The following CENPF variants were observed in gnomAD, a reference collection of about 807,000 sequenced individuals.
CENPF encodes the protein AH antigen.
A neutral mutation model predicts 307.3 loss-of-function variants in CENPF; 214 were observed. That is an observed-to-expected ratio of 0.70 (90% CI 0.62 to 0.78). The LOEUF (loss-of-function observed/expected upper bound fraction) is 0.78, where lower values mean the gene tolerates loss of function less well. Ranked by LOEUF, CENPF falls within the 30% of genes least tolerant of loss-of-function variation. The pLI is 0.00. For missense variants in CENPF, 3,401 were observed against 3,483.9 expected (o/e 0.98, Z 0.60); for synonymous variants, 1,259 against 1,270.6 (o/e 0.99, Z 0.19).
chr1:214,641,961 C>A lies in CENPF; in HGVS notation c.3623C>A (p.Ala1208Glu). 6.3e-7 allele frequency: 1 copy of A among 1,599,702 alleles called. No homozygotes were observed. Residue 1208 changes from alanine to glutamate, a missense_variant, in exon 12 of 20, where the codon GCG becomes GAG. Coordinates refer to ENST00000366955, the MANE Select transcript of CENPF (RefSeq NM_016343.4). ...VKEISLDSYNAQLVQLEAMLR... is the reference protein window; with the variant it reads ...VKEISLDSYNEQLVQLEAMLR... ...GAAATTTCTCTAGATAGTTATAATGCGCAGTTGGTGCAATTAGAAGCTATG... is the reference window on the plus strand; with the variant it reads ...GAAATTTCTCTAGATAGTTATAATGAGCAGTTGGTGCAATTAGAAGCTATG...
chr1:214,663,710 CCT>C lies in CENPF; in HGVS notation c.9262_9263del (p.Leu3088GlufsTer21), dbSNP rs1408918414. ...GTCCGACTGACAGCCCCAGAGAGGG[CCT>C]GAGGGTCAAGCGAGGCCGACTTGTC... is the stretch of plus-strand genomic sequence containing the variant. ...RSPTDSPREGLRVKRGRLVPS... is the reference protein window; with the variant it reads ...RSPTDSPREGXRVKRGRLVPS... On this transcript the variant is annotated frameshift_variant, in exon 20 of 20. Transcript: ENST00000366955. LOFTEE classifies it low-confidence loss of function (END_TRUNC). The C allele has an allele frequency of 2.5e-6, 4 of 1,613,922 alleles. No individual in the cohort carries two copies. The highest frequency in any genetic ancestry group is 2.2e-5 in the East Asian group (1 of 44,850).
chr1:214,624,841 T>A (rs964494681), intron 7 of CENPF, among the ~76,000 whole-genome samples: 9 of 152,228 alleles, frequency 5.9e-5, no homozygotes, highest in Admixed American at 2.0e-4. Context: ...ACTTGCTGAT[T>A]TTCTGTTTAG....
At chr1:214,657,945 T>C (rs76163634) in intron 18 of CENPF, among the ~76,000 whole-genome samples, 4 of 152,358 alleles carry the variant, frequency 2.6e-5, no homozygotes, top group Non-Finnish European at 4.4e-5. Flanking sequence ...GAAATTTTCA[T>C]AGCAACTTGA....
chr1:214,645,445 G>A lies in CENPF; in HGVS notation c.5875G>A (p.Glu1959Lys). ...AGAAGAACTCTCAGTGGTCACAAGT[G>A]AGAGAAACCAGCTTCGTGGAGAATT... ...LEEELSVVTS[E>K]RNQLRGELDT... is the part of the protein sequence containing the mutation. The change falls in exon 13 of 20, where the codon GAG becomes AAG. Residue 1959 changes from glutamate (E) to lysine (K), a missense_variant. Glu to Lys is a moderately conservative substitution (Grantham distance 56). Transcript: ENST00000366955. 1 of 1,613,920 alleles carries A rather than the reference G, an allele frequency of 6.2e-7. No individual in the cohort carries two copies. The highest frequency in any genetic ancestry group is 8.5e-7 in the Non-Finnish European group (1 of 1,179,960).
At chr1:214,636,345 C>T (rs1463956381) in intron 10 of CENPF, among the ~76,000 whole-genome samples, 6 of 152,172 alleles carry the variant, frequency 3.9e-5, no homozygotes, top group South Asian at 2.1e-4. Flanking sequence ...CAAAGTTTAA[C>T]ACTGACTAGT....
rs1658127214 is a variant in CENPF at position 214,641,882 on chromosome 1, G to C, written c.3544G>C (p.Glu1182Gln). The change falls in exon 12 of 20, where the codon GAG becomes CAG. Residue 1182 changes from glutamate to glutamine, a missense_variant. Coordinates refer to ENST00000366955, the MANE Select transcript of CENPF (RefSeq NM_016343.4). ...AATTAGGAACTCTGTGAAAGAAAGA[G>C]AGAGTGAGAGAAATCAATGTAATTT... ...EPIRNSVKER[E>Q]SERNQCNFKP... 6.3e-7 allele frequency: 1 copy of C among 1,595,934 alleles called. No individual in the cohort carries two copies. The highest frequency in any genetic ancestry group is 1.4e-5 in the African/African-American group (1 of 73,672).
Position 214,642,890 on chromosome 1 carries a change from G to A in CENPF, c.4552G>A (p.Ala1518Thr). The A allele has an allele frequency of 6.2e-7, 1 of 1,614,096 alleles. No homozygotes were observed. Among genetic ancestry groups the A allele is most frequent in the Non-Finnish European group, 8.5e-7 (1 of 1,180,022 alleles). ...GAGTAATTTAGAAGGGGCTGTTTCA[G>A]CAAACCAGTGCAGTGTAGATGAAGT... Reference protein sequence around the residue: ...LLSNLEGAVSANQCSVDEVFC... With the variant: ...LLSNLEGAVSTNQCSVDEVFC... Residue 1518 changes from alanine (A) to threonine (T), a missense_variant, in exon 12 of 20, where the codon GCA becomes ACA. Ala to Thr is a moderately conservative substitution (Grantham distance 58). Coordinates refer to ENST00000366955, the MANE Select transcript of CENPF (RefSeq NM_016343.4).
Position 214,622,040 on chromosome 1 carries a change from A to G in CENPF, c.866-39A>G, listed in dbSNP as rs75618617. ...AAGTTATGAACATTTTGGGAAAGAT[A>G]TATATGAATTGGAGTGTGATTTTTG... is the stretch of plus-strand genomic sequence containing the variant. On this transcript the variant is annotated intron_variant, in intron 6 of 19. Coordinates refer to ENST00000366955, the MANE Select transcript of CENPF (RefSeq NM_016343.4). The G allele has an allele frequency of 3.5e-4, 515 of 1,471,190 alleles. 1 individual carries two copies. In the African/African-American group the frequency reaches 5.6e-3, roughly 16 times the overall value. 91.1% of individuals were successfully genotyped at this position (1,471,190 alleles called of 1,614,324 possible).
chr1:214,656,093 C>T (rs374669440), intron 17 of CENPF, among the ~76,000 whole-genome samples: 2 of 152,240 alleles, frequency 1.3e-5, no homozygotes, highest in African/African-American at 4.8e-5. Flanking sequence ...ATCCTCAGTC[C>T]ATTCGTATGG....
intron 14 of CENPF, 53 bp from the exon 15 acceptor site, chr1:214,651,657 A>T: frequency 7.4e-7 from 1 of 1,344,260 alleles, no homozygotes; most frequent in Non-Finnish European, 1.0e-6. Flanking sequence ...AAATATTTCC[A>T]GGTTCTTAAT....
In CENPF at chr1:214,648,722, T is replaced by C. The variant is rs764754683; in HGVS notation, c.7878T>C (p.His2626=). 3 of 1,613,890 alleles carry C rather than the reference T, an allele frequency of 1.9e-6. No individual in the cohort carries two copies. The East Asian group carries it at 6.7e-5, about 36-fold the overall frequency. ...AKETELQREM[H]EMAQKTAELQ... ...AAACTGAGCTGCAGAGGGAAATGCA[T>C]GAGATGGCACAGAAAACAGCAGAGC... The change falls in exon 14 of 20, where the codon CAT becomes CAC. Residue 2626 remains histidine, a synonymous_variant. Coordinates refer to ENST00000366955, the MANE Select transcript of CENPF (RefSeq NM_016343.4).
intron 15 of CENPF, 85 bp from the exon 16 acceptor site, chr1:214,652,743 G>GT: frequency 8.1e-7 from 1 of 1,241,208 alleles, no homozygotes; most frequent in Non-Finnish European, 1.1e-6. Context: ...GCGCCCAGCT[G>GT]TTTTTTGTTT....
chr1:214,608,698 G>C, intron 1 of CENPF: 1 of 1,593,830 alleles, frequency 6.3e-7, no homozygotes, highest in Non-Finnish European at 8.5e-7. Flanking sequence ...GGCGGCCCCG[G>C]CCCCACCAGG....
chr1:214,607,464 T>TG (rs1025786214), intron 1 of CENPF, among the ~76,000 whole-genome samples: 1 of 152,102 alleles, frequency 6.6e-6, no homozygotes, highest in African/African-American at 2.4e-5. Context: ...GGGAGGCCCC[T>TG]GGAGCCAGGG....
chr1:214,630,750 C>G (rs1657785892), intron 9 of CENPF, 88 bp downstream of exon 9: 13 of 1,499,446 alleles, frequency 8.7e-6, no homozygotes, highest in Non-Finnish European at 1.1e-5. Flanking sequence ...ACATATGATA[C>G]TTTCAAAGAA....
At chr1:214,626,231 T>C (rs1215260055) in intron 7 of CENPF, among the ~76,000 whole-genome samples, 2 of 152,200 alleles carry the variant, frequency 1.3e-5, no homozygotes, top group African/African-American at 4.8e-5. Flanking sequence ...GGATTCTGTG[T>C]TGACAGTCCT....
chr1:214,605,884 G>A, intron 1 of CENPF: 1 of 1,597,386 alleles, frequency 6.3e-7, no homozygotes, highest in Non-Finnish European at 8.5e-7. Flanking sequence ...ACGTGATCTT[G>A]GACACCTTCT....
rs1433346924 is a variant in CENPF at position 214,640,049 on chromosome 1, C to G, written c.1711C>G (p.Gln571Glu). The change falls in exon 12 of 20, where the codon CAA becomes GAA. Residue 571 changes from glutamine (Q) to glutamate (E), a missense_variant. By Grantham distance (29) the Gln-to-Glu change is conservative. Coordinates refer to ENST00000366955, the MANE Select transcript of CENPF (RefSeq NM_016343.4). ...TCTGGAAAAGCAGCGAGATTGTTCT[C>G]AAGACCTTTTGAAGAAAAGAGAACA... Reference protein sequence around the residue: ...ADLEKQRDCSQDLLKKREHHI... With the variant: ...ADLEKQRDCSEDLLKKREHHI... 3 of 1,602,934 alleles carry G rather than the reference C, an allele frequency of 1.9e-6. No individual in the cohort carries two copies. Among genetic ancestry groups the G allele is most frequent in the Admixed American group, 1.8e-5 (1 of 56,878 alleles).
chr1:214,638,783 G>A lies in CENPF; in HGVS notation c.1582+782G>A, dbSNP rs570123259. ...TGCGCCACTGCACTCCAGCCAGGGC[G>A]ACAGAGCGAGACTCCATCTCAAAAA... is the stretch of plus-strand genomic sequence containing the variant. On this transcript the variant is annotated intron_variant, in intron 11 of 19. Coordinates refer to ENST00000366955, the MANE Select transcript of CENPF (RefSeq NM_016343.4). Among the ~76,000 whole-genome samples, 322 of 152,252 alleles carry A rather than the reference G, an allele frequency of 2.1e-3. 15 individuals carry two copies. The South Asian group carries it at 0.056, about 27-fold the overall frequency.
Sources: allele counts gnomAD v4.1 joint callset (sites outside exome capture counted in the v4.1 genomes callset), GRCh38; gene constraint gnomAD v4.1.1; transcripts MANE v1.5; gene names NCBI Gene and HGNC (gene_info 2026-07-23, HGNC 2026-07-21).